The following PPP1R12A variants were observed in gnomAD, a reference collection of about 807,000 sequenced individuals.
The protein encoded by PPP1R12A is myosin binding subunit.
Under a neutral mutation model 139.6 loss-of-function variants are expected in PPP1R12A, and 19 were observed. That is an observed-to-expected ratio of 0.14 (90% CI 0.09 to 0.20). The LOEUF (loss-of-function observed/expected upper bound fraction) is 0.20. PPP1R12A is among the 10% of genes least tolerant of loss of function. PPP1R12A has a pLI of 1.00. For synonymous variants in PPP1R12A, 427 were observed against 420.6 expected, an observed-to-expected ratio of 1.02 and a Z score of -0.19; for missense variants, 925 against 1,211.5, an observed-to-expected ratio of 0.76 and a Z score of 3.51.
intron 23 of PPP1R12A, chr12:79,779,832 T>C (rs1241867851): frequency 2.2e-4 from 35 of 161,388 alleles, no homozygotes. Context: ...CCCAACTGCC[T>C]GATTCTATTA....
intron 2 of PPP1R12A, among the ~76,000 whole-genome samples, chr12:79,857,742 A>G (rs1191758297): frequency 6.6e-6 from 1 of 152,184 alleles, no homozygotes; most frequent in East Asian, 1.9e-4. Context: ...CTTCACATGT[A>G]TCTATCTATA....
intron 2 of PPP1R12A, among the ~76,000 whole-genome samples, chr12:79,864,817 G>T (rs995520412): frequency 6.6e-6 from 1 of 152,106 alleles, no homozygotes; most frequent in Admixed American, 6.6e-5. Flanking sequence ...TTCTGAAATT[G>T]AGGCAATAAT....
chr12:79,809,977 CTTT>C lies in PPP1R12A; in HGVS notation c.1270_1272del (p.Lys424del), dbSNP rs1417765370. The C allele has an allele frequency of 1.2e-6, 2 of 1,612,624 alleles. No homozygotes were observed. Among genetic ancestry groups the C allele is most frequent in the East Asian group, 4.5e-5 (2 of 44,826 alleles). ...GGAGACTCATCTTTTCTCTCTTCTTCTTTGGGAGAAATTTTTGTAGCTGTGGTT... is the reference window on the plus strand; with the variant it reads ...GGAGACTCATCTTTTCTCTCTTCTTCGGGAGAAATTTTTGTAGCTGTGGTT... On this transcript the variant is annotated inframe_deletion, in exon 10 of 25. Transcript: ENST00000450142.
chr12:79,819,349 T>C (rs932488028), intron 8 of PPP1R12A: 3 of 152,238 alleles, frequency 2.0e-5, no homozygotes, highest in African/African-American at 7.2e-5. Flanking sequence ...CTAAGGTCTC[T>C]TGTTTGTTTT....
intron 2 of PPP1R12A, 77 bp from the exon 3 acceptor site, chr12:79,845,497 A>C: frequency 9.5e-7 from 1 of 1,047,448 alleles, no homozygotes; most frequent in Non-Finnish European, 1.4e-6. Flanking sequence ...CCAATGAGGA[A>C]AGTTCCTATA....
chr12:79,808,588 G>A lies in PPP1R12A; in HGVS notation c.1456-11C>T, dbSNP rs1166246625. 1.3e-6 allele frequency: 2 copies of A among 1,538,856 alleles called. No homozygotes were observed. Among genetic ancestry groups the A allele is most frequent in the Non-Finnish European group, 1.8e-6 (2 of 1,119,636 alleles). Reference sequence around the variant, plus strand: ...TTTACTATCTTTCTCCTACACAACAGGGAAAAAAATAAGTAAAAATTAATT... The same window carrying A: ...TTTACTATCTTTCTCCTACACAACAAGGAAAAAAATAAGTAAAAATTAATT... On this transcript the variant is annotated splice_polypyrimidine_tract_variant and intron_variant, in intron 10 of 24. Transcript: ENST00000450142.
chr12:79,810,783 C>T (rs1874428837), intron 9 of PPP1R12A, among the ~76,000 whole-genome samples: 1 of 152,018 alleles, frequency 6.6e-6, no homozygotes, highest in African/African-American at 2.4e-5. Flanking sequence ...AACTACTGCA[C>T]ATGAATTTTG....
At chr12:79,837,385 AT>A (rs1427186825) in intron 3 of PPP1R12A, among the ~76,000 whole-genome samples, 6 of 152,320 alleles carry the variant, frequency 3.9e-5, no homozygotes, top group Admixed American at 2.6e-4. Flanking sequence ...CTACTGTTCA[AT>A]TATTACTACT....
chr12:79,822,309 G>T, intron 5 of PPP1R12A, 119 bp from the exon 6 acceptor site: 6 of 662,470 alleles, frequency 9.1e-6, no homozygotes, highest in Non-Finnish European at 1.5e-5. Context: ...CAGTGGTTAT[G>T]ATACAATAAC....
In PPP1R12A at chr12:79,817,485, G is replaced by C. The variant is rs571466388; in HGVS notation, c.1148C>G (p.Ala383Gly). The change falls in exon 9 of 25, where the codon GCC (alanine) becomes GGC (glycine). Residue 383 changes from alanine to glycine, a missense_variant. Transcript: ENST00000450142. ...AGCTGCTTGTGTACTAGAAGTGTTG[G>C]CATTAGTTACAGAAGCCAGGGGTTT... ...KTKPLASVTN[A>G]NTSSTQAAPV... 3.5e-5 allele frequency: 56 copies of C among 1,602,086 alleles called. No homozygotes were observed. The South Asian group carries it at 4.8e-4, about 14-fold the overall frequency.
At chr12:79,806,452 ACACCAC>A in intron 12 of PPP1R12A, 119 bp from the exon 13 acceptor site, 1 of 833,290 alleles carries the variant, frequency 1.2e-6, no homozygotes, top group South Asian at 2.1e-5. Flanking sequence ...GTTCCTAAAT[ACACCAC>A]CAGCTCCAGC....
intron 1 of PPP1R12A, among the ~76,000 whole-genome samples, chr12:79,896,150 G>A (rs560509011): frequency 1.3e-5 from 2 of 152,208 alleles, no homozygotes; most frequent in South Asian, 4.2e-4. Context: ...TATAAACCAT[G>A]CTAGGAGGAC....
intron 2 of PPP1R12A, among the ~76,000 whole-genome samples, chr12:79,855,317 T>G (rs1475011889): frequency 6.6e-6 from 1 of 152,116 alleles, no homozygotes; most frequent in Non-Finnish European, 1.5e-5. Flanking sequence ...TACAGGTCTA[T>G]TATCTCTCGC....
At chr12:79,800,936 T>G (rs1873053361) in intron 14 of PPP1R12A, among the ~76,000 whole-genome samples, 1 of 151,770 alleles carries the variant, frequency 6.6e-6, no homozygotes, top group Non-Finnish European at 1.5e-5. Flanking sequence ...GGTTTCACCC[T>G]GTTAGCCAGG....
intron 2 of PPP1R12A, among the ~76,000 whole-genome samples, chr12:79,859,770 A>C (rs1881108692): frequency 6.6e-6 from 1 of 152,176 alleles, no homozygotes; most frequent in Non-Finnish European, 1.5e-5. Context: ...TAAAAAAATT[A>C]GCTAGAAGCA....
At chr12:79,786,646 C>A in intron 21 of PPP1R12A, 168 bp from the exon 22 acceptor site, 1 of 478,194 alleles carries the variant, frequency 2.1e-6, no homozygotes, top group Admixed American at 4.4e-5. Flanking sequence ...GTTCGTTATG[C>A]AAGTGTGTTT....
chr12:79,798,212 G>A (rs1872703035), intron 15 of PPP1R12A, among the ~76,000 whole-genome samples: 1 of 151,996 alleles, frequency 6.6e-6, no homozygotes. Flanking sequence ...TACTCAAAAA[G>A]ACACAAAGGC....
chr12:79,867,671 T>C (rs546071650), intron 2 of PPP1R12A, among the ~76,000 whole-genome samples: 3 of 152,276 alleles, frequency 2.0e-5, no homozygotes, highest in Admixed American at 1.3e-4. Flanking sequence ...TTTGGCTGTG[T>C]CCTTACCCAA....
intron 2 of PPP1R12A, among the ~76,000 whole-genome samples, chr12:79,846,437 C>CGT (rs1879402257): frequency 6.6e-6 from 1 of 151,536 alleles, no homozygotes; most frequent in African/African-American, 2.4e-5. Flanking sequence ...TTTTTTCTCT[C>CGT]TGTTTTTTTT....
Sources: allele counts gnomAD v4.1 joint callset (sites outside exome capture counted in the v4.1 genomes callset), GRCh38; gene constraint gnomAD v4.1.1; transcripts MANE v1.5; gene names NCBI Gene and HGNC (gene_info 2026-07-23, HGNC 2026-07-21).